Variants in ADGRB1 observed in about 807,000 individuals in gnomAD.
The protein encoded by ADGRB1 is adhesion G protein-coupled receptor B1.
Under a neutral mutation model 175.7 loss-of-function variants are expected in ADGRB1, and 36 were observed. The ratio of observed to expected loss-of-function variants is 0.20; its 90% CI spans 0.16 to 0.27. The LOEUF (loss-of-function observed/expected upper bound fraction) is 0.27, where lower values mean the gene tolerates loss of function less well. Ranked by LOEUF, ADGRB1 falls within the 10% of genes least tolerant of loss-of-function variation. The probability of loss-of-function intolerance (pLI) is 1.00; values close to 1 mark genes in which losing one functional copy is unlikely to be tolerated. For missense variants in ADGRB1, 1,731 were observed against 2,255.3 expected (o/e 0.77, Z 4.71); for synonymous variants, 1,054 against 979.4 (o/e 1.08, Z -1.42).
chr8:142,510,952 C>G lies in ADGRB1; in HGVS notation c.2696C>G (p.Pro899Arg). The stretch of plus-strand genomic sequence containing the variant: ...CCCAGACCCTCCTCCTCCGCCCCCC[C>G]GCAGCTCGGGCCCTGGTCGTGGCGC... ...ETDVPSSSAP[P>R]QLGPWSWRGC... Residue 899 changes from proline to arginine, a missense_variant, in exon 18 of 31, where the codon CCG (proline) becomes CGG (arginine). By Grantham distance (103) the Pro-to-Arg change is moderately radical. Around this residue, in one of 8 missense-constraint regions of ADGRB1, gnomAD observed 77 missense variants for 71.6 expected, o/e 1.08. Transcript: ENST00000517894. This position sits in a 1 kb window ranked among gnomAD's most constrained non-coding sequence, Gnocchi z 6.3. 1 of 1,294,488 alleles carries G rather than the reference C, an allele frequency of 7.7e-7. No individual in the cohort carries two copies. Among genetic ancestry groups the G allele is most frequent in the Non-Finnish European group, 1.0e-6 (1 of 1,003,848 alleles). The allele number at this position is 1,294,488 out of a possible 1,614,324, so 80.2% of individuals were successfully genotyped here.
Position 142,542,335 on chromosome 8 carries a change from C to G in ADGRB1, c.4101C>G (p.Ile1367Met), listed in dbSNP as rs370699663. The G allele has an allele frequency of 1.4e-5, 22 of 1,608,778 alleles. No homozygotes were observed. The African/African-American group carries it at 2.8e-4, about 21-fold the overall frequency. Residue 1367 changes from isoleucine to methionine, a missense_variant, in exon 28 of 31, where the codon ATC becomes ATG. Coordinates refer to ENST00000517894, the MANE Select transcript of ADGRB1 (RefSeq NM_001702.3). The surrounding 1 kb of genome is among the most constrained non-coding windows in gnomAD (Gnocchi z 6.3). ...PKPKEEPKYSIHIDQMPQTRL... is the reference protein window; with the variant it reads ...PKPKEEPKYSMHIDQMPQTRL... ...CCAAGGAGGAGCCCAAGTACAGCAT[C>G]CACATTGACCAGATGCCGCAGACCC...
At position 142,478,506 on chromosome 8, in the gene ADGRB1, G is replaced by A. The variant is rs1162578739; in HGVS notation, c.1561+146G>A. On this transcript the variant is annotated intron_variant, in intron 7 of 30. Transcript: ENST00000517894. Reference sequence around the variant, plus strand: ...TGGGGTGCACAGTGGGGTCTGGGGTGGCTGTGGGGGAAACGGAGCATGGGG... The same window carrying A: ...TGGGGTGCACAGTGGGGTCTGGGGTAGCTGTGGGGGAAACGGAGCATGGGG... 3 of 1,022,206 alleles carry A rather than the reference G, an allele frequency of 2.9e-6. No homozygotes were observed. The African/African-American group carries it at 4.9e-5, about 17-fold the overall frequency. 63.3% of individuals were successfully genotyped at this position (1,022,206 alleles called of 1,614,324 possible).
At chr8:142,515,182 G>A (rs1344828888) in intron 18 of ADGRB1, among the ~76,000 whole-genome samples, 2 of 152,190 alleles carry the variant, frequency 1.3e-5, no homozygotes, top group African/African-American at 4.8e-5. Context: ...GGCGCCTGAA[G>A]GTCAGGGAAG....
Position 142,464,154 on chromosome 8 carries a change from C to T in ADGRB1, c.-45C>T, listed in dbSNP as rs1412925407. On this transcript the variant is annotated 5_prime_UTR_variant, in exon 2 of 31. Coordinates refer to ENST00000517894, the MANE Select transcript of ADGRB1 (RefSeq NM_001702.3). Reference sequence around the variant, plus strand: ...CTGGCATGTCAAGACCTGGTCCGCGCCTGCCTGCCCAGCCCGCGGAACCCC... The same window carrying T: ...CTGGCATGTCAAGACCTGGTCCGCGTCTGCCTGCCCAGCCCGCGGAACCCC... 3.2e-5 allele frequency: 40 copies of T among 1,246,146 alleles called. No individual in the cohort carries two copies. Among genetic ancestry groups the T allele is most frequent in the Middle Eastern group, 3.1e-4 (1 of 3,266 alleles). The allele number at this position is 1,246,146 out of a possible 1,614,324, so 77.2% of individuals were successfully genotyped here. A position where few individuals can be genotyped will look rare whatever the true frequency, so the allele number is the denominator to read the frequency against.
rs1369290883 is a variant in ADGRB1, at chr8:142,474,648, A to T, written c.785-826A>T. On this transcript the variant is annotated intron_variant, in intron 2 of 30. Coordinates refer to ENST00000517894, the MANE Select transcript of ADGRB1 (RefSeq NM_001702.3). This position sits in a 1 kb window ranked among gnomAD's most constrained non-coding sequence, Gnocchi z 5.8. ...CCAAAGTGTTTTTGGCAGCACGAGG[A>T]CCCCCCGGGAGCAGAGACTCCTGGG... Among the ~76,000 whole-genome samples, 1 of 151,488 alleles carries T rather than the reference A, an allele frequency of 6.6e-6. No homozygotes were observed. The highest frequency in any genetic ancestry group is 1.9e-4 in the East Asian group (1 of 5,142).
chr8:142,499,866 G>A (rs2131951222), intron 17 of ADGRB1, among the ~76,000 whole-genome samples: 1 of 152,276 alleles, frequency 6.6e-6, no homozygotes, highest in East Asian at 1.9e-4. Context: ...AGCCAGACAG[G>A]CCCAGACCTG....
intron 13 of ADGRB1, among the ~76,000 whole-genome samples, chr8:142,487,381 C>A (rs546047074): frequency 6.6e-6 from 1 of 152,272 alleles, no homozygotes; most frequent in East Asian, 1.9e-4. Flanking sequence ...TCTGATGGTC[C>A]CTCCTGCCCC....
At chr8:142,469,597 G>GTA (rs1294726136) in intron 2 of ADGRB1, among the ~76,000 whole-genome samples, 127 of 144,200 alleles carry the variant, frequency 8.8e-4, no homozygotes, top group Middle Eastern at 3.8e-3. Context: ...GAATGTGTGT[G>GTA]TGCACGTGCA....
chr8:142,494,425 G>A (rs1191198513), intron 17 of ADGRB1, among the ~76,000 whole-genome samples: 1 of 152,148 alleles, frequency 6.6e-6, no homozygotes, highest in Non-Finnish European at 1.5e-5. Context: ...GTCACAGGCT[G>A]AGTCCTGCTC....
rs1419038257 is a variant in ADGRB1, at chr8:142,497,599, T to TGA, written c.2675+6786_2675+6787dup. On this transcript the variant is annotated intron_variant, in intron 17 of 30. Coordinates refer to ENST00000517894, the MANE Select transcript of ADGRB1 (RefSeq NM_001702.3). ...CATGATTGAGGAGGGAGGAGGAGGA[T>TGA]GAGCCTCTCCCAGCTTGGGTGGGGC... Among the ~76,000 whole-genome samples, 6 of 152,068 alleles carry TGA rather than the reference T, an allele frequency of 3.9e-5. No individual in the cohort carries two copies. In the East Asian group the frequency reaches 1.2e-3, roughly 29 times the overall value.
At chr8:142,489,251 G>C in intron 15 of ADGRB1, 85 bp from the exon 16 acceptor site, 7 of 1,562,046 alleles carry the variant, frequency 4.5e-6, no homozygotes, top group Non-Finnish European at 5.3e-6. Context: ...GCGGGTACAG[G>C]GGCCCTCGGG....
At chr8:142,469,392 T>C (rs1840478472) in intron 2 of ADGRB1, among the ~76,000 whole-genome samples, 1 of 150,648 alleles carries the variant, frequency 6.6e-6, no homozygotes, top group South Asian at 2.1e-4. Flanking sequence ...GGAGTGTGTA[T>C]GTGCACATGC....
intron 1 of ADGRB1, among the ~76,000 whole-genome samples, chr8:142,452,204 G>C (rs977291900): frequency 1.3e-5 from 2 of 152,242 alleles, no homozygotes; most frequent in Non-Finnish European, 2.9e-5. Flanking sequence ...CTCGATCTGG[G>C]GGGCAGAAGG....
At chr8:142,451,209 G>A (rs1022176059) in intron 1 of ADGRB1, among the ~76,000 whole-genome samples, 8 of 152,176 alleles carry the variant, frequency 5.3e-5, no homozygotes, top group Non-Finnish European at 1.0e-4. Context: ...AGGGCTTGAC[G>A]GAGGCTGCGG....
At chr8:142,499,314 T>C (rs111530981) in intron 17 of ADGRB1, among the ~76,000 whole-genome samples, 2,406 of 152,320 alleles carry the variant, frequency 0.016, 73 homozygotes, top group African/African-American at 0.052. Context: ...GCCAGGCTGC[T>C]GTGAGTATTA....
chr8:142,496,681 A>G (rs1174712654), intron 17 of ADGRB1, among the ~76,000 whole-genome samples: 2 of 152,126 alleles, frequency 1.3e-5, no homozygotes, highest in African/African-American at 2.4e-5. Context: ...AAGATCATGC[A>G]CTCTGTCTTT....
At position 142,529,827 on chromosome 8, in the gene ADGRB1, G is replaced by T. The variant is rs937585256; in HGVS notation, c.3398+3200G>T. On this transcript the variant is annotated intron_variant, in intron 24 of 30. Transcript: ENST00000517894. ...GTGTGCATCTGTGTGAGTGCAACCC[G>T]GTGTGTGTATGTGTGAGTGTGCATC... Among the ~76,000 whole-genome samples, 6 of 148,740 alleles carry T rather than the reference G, an allele frequency of 4.0e-5. No homozygotes were observed. In the East Asian group the frequency reaches 1.2e-3, roughly 30 times the overall value.
Position 142,533,482 on chromosome 8 carries a change from T to C in ADGRB1, c.3570+16T>C. ...CCGTAGAGAGGTGGGTGAGGCAGCCTCTGTCGGGCCGGGCTCCTGCGGGGT... is the reference window on the plus strand; with the variant it reads ...CCGTAGAGAGGTGGGTGAGGCAGCCCCTGTCGGGCCGGGCTCCTGCGGGGT... On this transcript the variant is annotated intron_variant, in intron 25 of 30. Transcript: ENST00000517894. 6.3e-7 allele frequency: 1 copy of C among 1,578,278 alleles called. No homozygotes were observed. Among genetic ancestry groups the C allele is most frequent in the Non-Finnish European group, 8.7e-7 (1 of 1,154,968 alleles).
At chr8:142,459,042 C>CT (rs1839832493) in intron 1 of ADGRB1, among the ~76,000 whole-genome samples, 1 of 152,196 alleles carries the variant, frequency 6.6e-6, no homozygotes, top group Non-Finnish European at 1.5e-5. Flanking sequence ...GCAATGGGGG[C>CT]AACCCATGAG....
Sources: allele counts gnomAD v4.1 joint callset (sites outside exome capture counted in the v4.1 genomes callset), GRCh38; gene constraint gnomAD v4.1.1; regional missense constraint gnomAD v4.1.1; non-coding constraint Gnocchi (gnomAD v3.1); transcripts MANE v1.5; gene names NCBI Gene and HGNC (gene_info 2026-07-23, HGNC 2026-07-21).